Variants in KCNQ1 observed in about 807,000 individuals in gnomAD.
The protein encoded by KCNQ1 is potassium voltage-gated channel subfamily Q member 1.
In KCNQ1, 49 loss-of-function variants were observed where a neutral mutation model predicts 72.4. The ratio of observed to expected loss-of-function variants is 0.68; its 90% CI spans 0.54 to 0.86. The LOEUF is 0.86. Ranked by LOEUF, KCNQ1 falls within the 40% of genes least tolerant of loss-of-function variation. KCNQ1 has a pLI of 0.00. For missense variants in KCNQ1, 790 were observed against 945.1 expected (o/e 0.84, Z 2.15); for synonymous variants, 450 against 412.6 (o/e 1.09, Z -1.10).
intron 15 of KCNQ1, among the ~76,000 whole-genome samples, chr11:2,821,279 G>T (rs1055806264): frequency 1.3e-5 from 2 of 152,242 alleles, no homozygotes; most frequent in African/African-American, 4.8e-5. Context: ...CCCCGCGTGG[G>T]GCAGGAGCAC....
chr11:2,460,080 C>T (rs1846251585), intron 1 of KCNQ1, among the ~76,000 whole-genome samples: 1 of 152,180 alleles, frequency 6.6e-6, no homozygotes, highest in East Asian at 1.9e-4. Context: ...CTGACTGCCA[C>T]CCCCAGGGGG....
intron 1 of KCNQ1, chr11:2,461,442 C>T (rs1460118832): frequency 7.8e-7 from 1 of 1,283,826 alleles, no homozygotes; most frequent in Non-Finnish European, 1.0e-6. Context: ...GCCCCTCTTC[C>T]CTTCCTCCCC....
rs1849950778 is a variant in KCNQ1 at position 2,661,225 on chromosome 11, T to C, written c.1394-736T>C. ...TTTGAATTATTCCACTTCTCACAGA[T>C]GAGTACTTAATCCTTTTGCAATAAA... On this transcript the variant is annotated intron_variant, in intron 10 of 15. Coordinates refer to ENST00000155840, the MANE Select transcript of KCNQ1 (RefSeq NM_000218.3). This position sits in a 1 kb window ranked among gnomAD's most constrained non-coding sequence, Gnocchi z 5.9. 1 of 398,708 alleles carries C rather than the reference T, an allele frequency of 2.5e-6. No individual in the cohort carries two copies. The highest frequency in any genetic ancestry group is 4.4e-6 in the Non-Finnish European group (1 of 226,272). The allele number at this position is 398,708 out of a possible 1,614,324, so 24.7% of individuals were successfully genotyped here. A position where few individuals can be genotyped will look rare whatever the true frequency, so the allele number is the denominator to read the frequency against.
chr11:2,621,505 T>A lies in KCNQ1; in HGVS notation c.1393+32651T>A. The A allele has an allele frequency of 2.5e-6, 1 of 398,592 alleles. No homozygotes were observed. The allele number at this position is 398,592 out of a possible 1,614,324, so 24.7% of individuals were successfully genotyped here. A position where few individuals can be genotyped will look rare whatever the true frequency, so the allele number is the denominator to read the frequency against. On this transcript the variant is annotated intron_variant, in intron 10 of 15. Transcript: ENST00000155840. The surrounding 1 kb of genome is among the most constrained non-coding windows in gnomAD (Gnocchi z 5.7). ...TCTCCCATTCTATATGTTGTCTGTT[T>A]ACTCTGTTGATAATTTCTTTTGCTA...
rs189065961 is a variant in KCNQ1, at chr11:2,823,764, T to C, written c.1795-24003T>C. On this transcript the variant is annotated intron_variant, in intron 15 of 15. Coordinates refer to ENST00000155840, the MANE Select transcript of KCNQ1 (RefSeq NM_000218.3). ...AGCAGGAGAACCCAGAAAGGAAATG[T>C]GAGCACAGTATACCCCCTGGCTCTG... Among the ~76,000 whole-genome samples, 26 of 152,332 alleles carry C rather than the reference T, an allele frequency of 1.7e-4. No homozygotes were observed. The East Asian group carries it at 4.6e-3, about 27-fold the overall frequency.
In KCNQ1 at chr11:2,457,275, G is replaced by A. The variant is rs184944448; in HGVS notation, c.386+11791G>A. On this transcript the variant is annotated intron_variant, in intron 1 of 15. Transcript: ENST00000155840. The surrounding 1 kb of genome is among the most constrained non-coding windows in gnomAD (Gnocchi z 5.0). The stretch of plus-strand genomic sequence containing the variant: ...AGAACCAAGAGTTGAACTACCATTC[G>A]ATCCAGCAGTCCCGTGTGCTGAGTT... 1.3e-5 allele frequency among the ~76,000 whole-genome samples: 2 copies of A among 152,266 alleles called. No homozygotes were observed. Among genetic ancestry groups the A allele is most frequent in the East Asian group, 3.9e-4 (2 of 5,182 alleles).
At position 2,492,003 on chromosome 11, in the gene KCNQ1, G is replaced by C. The variant is rs566411284; in HGVS notation, c.387-35925G>C. Among the ~76,000 whole-genome samples the C allele has an allele frequency of 2.0e-4, 30 of 152,108 alleles. No individual in the cohort carries two copies. The highest frequency in any genetic ancestry group is 3.8e-4 in the Non-Finnish European group (26 of 68,016). On this transcript the variant is annotated intron_variant, in intron 1 of 15. Transcript: ENST00000155840. The surrounding 1 kb of genome is among the most constrained non-coding windows in gnomAD (Gnocchi z 4.1). The stretch of plus-strand genomic sequence containing the variant: ...GAAAATATCCTTCCAACATGAAGGA[G>C]AAATACAGACCTTCCCAGACAAACA...
chr11:2,606,305 G>A (rs1166857066), intron 10 of KCNQ1, among the ~76,000 whole-genome samples: 2 of 152,052 alleles, frequency 1.3e-5, no homozygotes, highest in Non-Finnish European at 2.9e-5. Flanking sequence ...ACATTGATAC[G>A]GTTTGGATGT....
At position 2,571,415 on chromosome 11, in the gene KCNQ1, C is replaced by A. The variant is rs763080341; in HGVS notation, c.683+12C>A. 4 of 1,605,772 alleles carry A rather than the reference C, an allele frequency of 2.5e-6. No individual in the cohort carries two copies. In the East Asian group the frequency reaches 6.7e-5, roughly 27 times the overall value. ...ACGTCGGCCATCAGGTGCGTCTGTG[C>A]CACAAGCTCCCCCCGCCATGCCGCC... On this transcript the variant is annotated intron_variant, in intron 4 of 15. Coordinates refer to ENST00000155840, the MANE Select transcript of KCNQ1 (RefSeq NM_000218.3).
chr11:2,548,455 T>A (rs1163644131), intron 2 of KCNQ1, among the ~76,000 whole-genome samples: 1 of 152,200 alleles, frequency 6.6e-6, no homozygotes, highest in African/African-American at 2.4e-5. Flanking sequence ...AAAGAAAAAT[T>A]CCGGTATAAC....
Position 2,621,577 on chromosome 11 carries a change from T to C in KCNQ1, c.1393+32723T>C. On this transcript the variant is annotated intron_variant, in intron 10 of 15. Coordinates refer to ENST00000155840, the MANE Select transcript of KCNQ1 (RefSeq NM_000218.3). The surrounding 1 kb of genome is among the most constrained non-coding windows in gnomAD (Gnocchi z 5.7). ...CACTGTGATCTCTTTGCTATTGGTC[T>C]GTTCAGGCTTTCTATTCCTGATTTA... 2.5e-6 allele frequency: 1 copy of C among 398,576 alleles called. No individual in the cohort carries two copies. 24.7% of individuals were successfully genotyped at this position (398,576 alleles called of 1,614,324 possible).
chr11:2,550,437 C>A lies in KCNQ1; in HGVS notation c.478-20191C>A, dbSNP rs74749494. Among the ~76,000 whole-genome samples, 53 of 152,274 alleles carry A rather than the reference C, an allele frequency of 3.5e-4. No homozygotes were observed. The highest frequency in any genetic ancestry group is 7.2e-4 in the Non-Finnish European group (49 of 67,990). ...ACGTTCTGGGAGCGTCGCAGTGGCC[C>A]AGACACCCATGTTCCTCCCTAGGCA... On this transcript the variant is annotated intron_variant, in intron 2 of 15. Transcript: ENST00000155840. The surrounding 1 kb of genome is among the most constrained non-coding windows in gnomAD (Gnocchi z 6.0).
intron 1 of KCNQ1, among the ~76,000 whole-genome samples, chr11:2,501,926 A>G (rs1847020202): frequency 6.6e-6 from 1 of 152,238 alleles, no homozygotes; most frequent in Admixed American, 6.5e-5. Context: ...CATCGTATCA[A>G]CAGAATGAAG....
At chr11:2,755,895 A>G (rs1846292034) in intron 11 of KCNQ1, among the ~76,000 whole-genome samples, 1 of 152,272 alleles carries the variant, frequency 6.6e-6, no homozygotes, top group Non-Finnish European at 1.5e-5. Flanking sequence ...TATCAGACAG[A>G]AAAATGGCCA....
Position 2,735,547 on chromosome 11 carries a change from C to G in KCNQ1, c.1515-33297C>G, listed in dbSNP as rs1845942502. ...CGCAGGCATCCTAGGGCCTGGCCCA[C>G]CACCCTCTCCCTCCTCACCATTTTC... On this transcript the variant is annotated intron_variant, in intron 11 of 15. Coordinates refer to ENST00000155840, the MANE Select transcript of KCNQ1 (RefSeq NM_000218.3). This position sits in a 1 kb window ranked among gnomAD's most constrained non-coding sequence, Gnocchi z 7.7. 6.6e-6 allele frequency among the ~76,000 whole-genome samples: 1 copy of G among 152,182 alleles called. No homozygotes were observed. Among genetic ancestry groups the G allele is most frequent in the Non-Finnish European group, 1.5e-5 (1 of 68,024 alleles).
At chr11:2,577,477 G>A (rs1244557099) in intron 6 of KCNQ1, among the ~76,000 whole-genome samples, 1 of 152,224 alleles carries the variant, frequency 6.6e-6, no homozygotes, top group African/African-American at 2.4e-5. Context: ...TGGGGCCTGG[G>A]TGCCATGGGG....
chr11:2,530,151 G>A (rs540860144), intron 2 of KCNQ1, among the ~76,000 whole-genome samples: 25 of 152,274 alleles, frequency 1.6e-4, no homozygotes, highest in African/African-American at 5.1e-4. Flanking sequence ...CCCACAGGGC[G>A]ATGTCCAATA....
intron 15 of KCNQ1, among the ~76,000 whole-genome samples, chr11:2,778,720 GC>G (rs1234084010): frequency 6.6e-6 from 1 of 152,244 alleles, no homozygotes; most frequent in African/African-American, 2.4e-5. Context: ...CTGTTATCTT[GC>G]CGAACAGCAA....
At position 2,787,883 on chromosome 11, in the gene KCNQ1, T is replaced by G. The variant is rs914912094; in HGVS notation, c.1794+9846T>G. ...TCTATCTTTAAATTTTAATTTTAATTTATTAAAATGAAAATTCCATTCCTG... is the reference window on the plus strand; with the variant it reads ...TCTATCTTTAAATTTTAATTTTAATGTATTAAAATGAAAATTCCATTCCTG... On this transcript the variant is annotated intron_variant, in intron 15 of 15. Transcript: ENST00000155840. This position sits in a 1 kb window ranked among gnomAD's most constrained non-coding sequence, Gnocchi z 6.3. Among the ~76,000 whole-genome samples, 7 of 36,896 alleles carry G rather than the reference T, an allele frequency of 1.9e-4. No individual in the cohort carries two copies. Among genetic ancestry groups the G allele is most frequent in the African/African-American group, 7.6e-4 (7 of 9,180 alleles). The allele number at this position is 36,896 out of a possible 152,430, so 24.2% of individuals were successfully genotyped here.
Sources: gnomAD v4.1 joint callset for allele counts (sites outside exome capture counted in the v4.1 genomes callset) on GRCh38, gnomAD v4.1.1 for gene constraint, Gnocchi (gnomAD v3.1) non-coding constraint, MANE v1.5 for transcripts, NCBI Gene and HGNC (gene_info 2026-07-23, HGNC 2026-07-21) for gene names.